SLFN5: variants seen among roughly 807,000 people sequenced by gnomAD.
SLFN5 encodes the protein schlafen family member 5.
A neutral mutation model predicts 48.5 loss-of-function variants in SLFN5; 34 were observed. That is an observed-to-expected ratio of 0.70 (90% confidence interval 0.53 to 0.93). SLFN5 has a LOEUF of 0.93. Ranked by LOEUF, SLFN5 falls within the 40% of genes least tolerant of loss-of-function variation. The pLI is 0.00. For missense variants in SLFN5, 1,006 were observed against 1,071.3 expected (o/e 0.94, Z 0.85); for synonymous variants, 387 against 396.2 (o/e 0.98, Z 0.28).
Position 35,258,995 on chromosome 17 carries a change from G to A in SLFN5, c.305G>A (p.Trp102Ter), listed in dbSNP as rs770985309. The A allele has an allele frequency of 1.2e-6, 2 of 1,614,168 alleles. No homozygotes were observed. Among genetic ancestry groups the A allele is most frequent in the South Asian group, 1.1e-5 (1 of 91,084 alleles). Residue 102 changes from tryptophan (W) to a stop codon, truncating the protein, a stop_gained, in exon 2 of 5, where the codon TGG becomes TAG. Coordinates refer to ENST00000299977, the MANE Select transcript of SLFN5 (RefSeq NM_144975.4). LOFTEE classifies it high-confidence loss of function. The stretch of plus-strand genomic sequence containing the variant: ...CACTTTTTGATTTTTGTGAAATCAT[G>A]GAACACAGAGGCTGGTGTGCCACTT... ...ENHFLIFVKS[W>*]NTEAGVPLAT...
At position 35,259,102 on chromosome 17, in the gene SLFN5, A is replaced by G. The variant is rs1190728811; in HGVS notation, c.412A>G (p.Lys138Glu). 33 of 1,614,062 alleles carry G rather than the reference A, an allele frequency of 2.0e-5. No individual in the cohort carries two copies. The highest frequency in any genetic ancestry group is 4.0e-5 in the African/African-American group (3 of 74,916). ...TTCTCAGGAAGCTCTGGCATTCCTC[A>G]AATGCAGGACTCAGACTCCAACGAA... ...MDSQEALAFL[K>E]CRTQTPTNIN... The change falls in exon 2 of 5, where the codon AAA becomes GAA. Residue 138 changes from lysine to glutamate, a missense_variant. Physicochemically the swap from Lys to Glu is moderately conservative, Grantham distance 56 (BLOSUM62 1). Transcript: ENST00000299977.
rs181424565 is a variant in SLFN5, at chr17:35,273,158, G to T, written c.*7270G>T. On this transcript the variant is annotated 3_prime_UTR_variant, in exon 5 of 5. Coordinates refer to ENST00000299977, the MANE Select transcript of SLFN5 (RefSeq NM_144975.4). Reference sequence around the variant, plus strand: ...AGAGATCTCTATATGTATTGATGGGGGACCATCTTTAAGATATACTGTGGT... The same window carrying T: ...AGAGATCTCTATATGTATTGATGGGTGACCATCTTTAAGATATACTGTGGT... The T allele has an allele frequency of 8.5e-5, 13 of 152,064 alleles. No homozygotes were observed. Among genetic ancestry groups the T allele is most frequent in the Admixed American group, 8.5e-4 (13 of 15,266 alleles). The allele number at this position is 152,064 out of a possible 1,614,324, so 9.4% of individuals were successfully genotyped here. A position where few individuals can be genotyped will look rare whatever the true frequency, so the allele number is the denominator to read the frequency against.
rs781029763 is a variant in SLFN5, at chr17:35,264,578, C to A, written c.1534C>A (p.Gln512Lys). ...KAQSVYSSYL[Q>K]IYPESYNFMT... ...ACAGAGCGTTTACAGTTCGTATTTA[C>A]AAATTTACCCTGAATCCTATAACTT... The change falls in exon 4 of 5, where the codon CAA becomes AAA. Residue 512 changes from glutamine (Q) to lysine (K), a missense_variant. Gln to Lys is a moderately conservative substitution (Grantham distance 53). Transcript: ENST00000299977. 5 of 1,614,064 alleles carry A rather than the reference C, an allele frequency of 3.1e-6. No homozygotes were observed. The Admixed American group carries it at 8.3e-5, about 27-fold the overall frequency.
rs1204787946 is a variant in SLFN5, at chr17:35,270,896, T to A, written c.*5008T>A. ...CCATACCTCTTTTGACTAAAAGAGT[T>A]TCCAGAATAGTGGCAGAATATATAG... On this transcript the variant is annotated 3_prime_UTR_variant, in exon 5 of 5. Transcript: ENST00000299977. The A allele has an allele frequency of 6.6e-6, 1 of 152,158 alleles. No individual in the cohort carries two copies. The highest frequency in any genetic ancestry group is 1.5e-5 in the Non-Finnish European group (1 of 68,026). The allele number at this position is 152,158 out of a possible 1,614,324, so 9.4% of individuals were successfully genotyped here.
Position 35,267,927 on chromosome 17 carries a change from C to G in SLFN5, c.*2039C>G, listed in dbSNP as rs1203092606. The G allele has an allele frequency of 6.6e-6, 1 of 152,132 alleles. No homozygotes were observed. The highest frequency in any genetic ancestry group is 1.5e-5 in the Non-Finnish European group (1 of 68,034). 9.4% of individuals were successfully genotyped at this position (152,132 alleles called of 1,614,324 possible). A position where few individuals can be genotyped will look rare whatever the true frequency, so the allele number is the denominator to read the frequency against. ...GAAATGCCAGGGAGACCCTTGAGCA[C>G]AGAAACTCCTGATTGTCCCCAGGGA... On this transcript the variant is annotated 3_prime_UTR_variant, in exon 5 of 5. Coordinates refer to ENST00000299977, the MANE Select transcript of SLFN5 (RefSeq NM_144975.4).
chr17:35,248,612 C>A (rs1163127404), intron 1 of SLFN5, among the ~76,000 whole-genome samples: 1 of 152,024 alleles, frequency 6.6e-6, no homozygotes, highest in South Asian at 2.1e-4. Flanking sequence ...AGACCCCCAC[C>A]CTTTGCCCAA....
rs139455430 is a variant in SLFN5, at chr17:35,265,207, A to C, written c.1995A>C (p.Ala665=). Residue 665 remains alanine (A), a synonymous_variant, in exon 5 of 5, where the codon GCA becomes GCC. Transcript: ENST00000299977. ...AAGATGGGGACTGGTATGGGAAAGC[A>C]AAGTTCATCACTCAGACAGCAAGGG... ...RTEDGDWYGK[A]KFITQTARDG... 2 of 1,614,212 alleles carry C rather than the reference A, an allele frequency of 1.2e-6. No homozygotes were observed. Among genetic ancestry groups the C allele is most frequent in the Non-Finnish European group, 1.7e-6 (2 of 1,180,022 alleles).
chr17:35,244,656 T>G (rs1384686820), intron 1 of SLFN5, among the ~76,000 whole-genome samples: 1 of 152,188 alleles, frequency 6.6e-6, no homozygotes, highest in African/African-American at 2.4e-5. Flanking sequence ...CCGGGCGCCG[T>G]GGCTTATGCC....
chr17:35,268,972 G>A lies in SLFN5; in HGVS notation c.*3084G>A, dbSNP rs1904769104. 6.6e-6 allele frequency: 1 copy of A among 152,094 alleles called. No individual in the cohort carries two copies. Among genetic ancestry groups the A allele is most frequent in the Non-Finnish European group, 1.5e-5 (1 of 68,024 alleles). The allele number at this position is 152,094 out of a possible 1,614,324, so 9.4% of individuals were successfully genotyped here. A position where few individuals can be genotyped will look rare whatever the true frequency, so the allele number is the denominator to read the frequency against. On this transcript the variant is annotated 3_prime_UTR_variant, in exon 5 of 5. Transcript: ENST00000299977. Reference sequence around the variant, plus strand: ...CATTGACTGATTTCCAATATCTCGAGACCTGTTGTTTCATATATTTTGCCT... The same window carrying A: ...CATTGACTGATTTCCAATATCTCGAAACCTGTTGTTTCATATATTTTGCCT...
At position 35,258,694 on chromosome 17, in the gene SLFN5, A is replaced by T; in HGVS notation, c.4A>T (p.Ser2Cys). The T allele has an allele frequency of 6.2e-7, 1 of 1,610,048 alleles. No homozygotes were observed. The highest frequency in any genetic ancestry group is 8.5e-7 in the Non-Finnish European group (1 of 1,177,126). M[S>C]LRIDVDTNFP... The stretch of plus-strand genomic sequence containing the variant: ...GAATAGGCCAAGTGCTGAGAAGATG[A>T]GTCTTAGGATTGATGTGGATACAAA... The change falls in exon 2 of 5, where the codon AGT (serine) becomes TGT (cysteine). Residue 2 changes from serine (S) to cysteine (C), a missense_variant. Coordinates refer to ENST00000299977, the MANE Select transcript of SLFN5 (RefSeq NM_144975.4).
At position 35,259,678 on chromosome 17, in the gene SLFN5, G is replaced by T; in HGVS notation, c.988G>T (p.Ala330Ser). The T allele has an allele frequency of 6.2e-7, 1 of 1,600,204 alleles. No individual in the cohort carries two copies. The highest frequency in any genetic ancestry group is 8.5e-7 in the Non-Finnish European group (1 of 1,179,698). ...ACAATTGCCCACAAGAGAATGGACTGCTTGGATGATGGAAGCTGACCCAGG... is the reference window on the plus strand; with the variant it reads ...ACAATTGCCCACAAGAGAATGGACTTCTTGGATGATGGAAGCTGACCCAGG... ...VRQLPTREWTAWMMEADPDLS... is the reference protein window; with the variant it reads ...VRQLPTREWTSWMMEADPDLS... The change falls in exon 2 of 5, where the codon GCT becomes TCT. Residue 330 changes from alanine (A) to serine (S), a missense_variant. Coordinates refer to ENST00000299977, the MANE Select transcript of SLFN5 (RefSeq NM_144975.4).
At chr17:35,249,820 G>A (rs2092438389) in intron 1 of SLFN5, among the ~76,000 whole-genome samples, 1 of 152,170 alleles carries the variant, frequency 6.6e-6, no homozygotes, top group Admixed American at 6.5e-5. Context: ...TATATTTGAT[G>A]CATACTCCAA....
intron 2 of SLFN5, 128 bp from the exon 3 acceptor site, chr17:35,260,843 T>A (rs755174164): frequency 1.7e-6 from 2 of 1,187,708 alleles, no homozygotes; most frequent in African/African-American, 3.1e-5. Flanking sequence ...TGACCTGAGA[T>A]GTAAAGGCAA....
chr17:35,264,229 A>C lies in SLFN5; in HGVS notation c.1185A>C (p.Glu395Asp), dbSNP rs1220542082. The change falls in exon 4 of 5, where the codon GAA (glutamate) becomes GAC (aspartate). Residue 395 changes from glutamate (E) to aspartate (D), a missense_variant. Coordinates refer to ENST00000299977, the MANE Select transcript of SLFN5 (RefSeq NM_144975.4). ...ATACTCCAGAAAGCCTCTACAAGGA[A>C]CTCTTCTCACAACATAAAGGACTCA... Reference protein sequence around the residue: ...VVYTPESLYKELFSQHKGLRD... With the variant: ...VVYTPESLYKDLFSQHKGLRD... 1.7e-5 allele frequency: 27 copies of C among 1,613,682 alleles called. No homozygotes were observed. Among genetic ancestry groups the C allele is most frequent in the Non-Finnish European group, 2.1e-5 (25 of 1,179,946 alleles).
In SLFN5 at chr17:35,273,494, G is replaced by A. The variant is rs745555602; in HGVS notation, c.*7606G>A. The stretch of plus-strand genomic sequence containing the variant: ...GAATATCCTGGGATAAACCCCTCAT[G>A]ATCATAATGAATAATGATGTGTGGA... On this transcript the variant is annotated 3_prime_UTR_variant, in exon 5 of 5. Transcript: ENST00000299977. 6.6e-6 allele frequency: 1 copy of A among 152,120 alleles called. No individual in the cohort carries two copies. The highest frequency in any genetic ancestry group is 1.5e-5 in the Non-Finnish European group (1 of 68,020). The allele number at this position is 152,120 out of a possible 1,614,324, so 9.4% of individuals were successfully genotyped here. A position where few individuals can be genotyped will look rare whatever the true frequency, so the allele number is the denominator to read the frequency against.
chr17:35,248,607 C>G (rs1466467141), intron 1 of SLFN5, among the ~76,000 whole-genome samples: 2 of 151,760 alleles, frequency 1.3e-5, no homozygotes, highest in Non-Finnish European at 2.9e-5. Context: ...TTTTCAGACC[C>G]CCACCCTTTG....
chr17:35,259,138 T>G lies in SLFN5; in HGVS notation c.448T>G (p.Ser150Ala), dbSNP rs1904440584. The G allele has an allele frequency of 1.2e-5, 20 of 1,614,188 alleles. No homozygotes were observed. The East Asian group carries it at 4.2e-4, about 34-fold the overall frequency. ...RTQTPTNINVSNSLGPQAAQG... is the reference protein window; with the variant it reads ...RTQTPTNINVANSLGPQAAQG... ...TCAGACTCCAACGAATATTAATGTTTCCAATTCATTAGGTCCACAGGCAGC... is the reference window on the plus strand; with the variant it reads ...TCAGACTCCAACGAATATTAATGTTGCCAATTCATTAGGTCCACAGGCAGC... The change falls in exon 2 of 5, where the codon TCC (serine) becomes GCC (alanine). Residue 150 changes from serine to alanine, a missense_variant. Physicochemically the swap from Ser to Ala is moderately conservative, Grantham distance 99 (BLOSUM62 1). Coordinates refer to ENST00000299977, the MANE Select transcript of SLFN5 (RefSeq NM_144975.4).
At chr17:35,262,598 C>T (rs1904552728) in intron 3 of SLFN5, among the ~76,000 whole-genome samples, 1 of 152,108 alleles carries the variant, frequency 6.6e-6, no homozygotes, top group Admixed American at 6.5e-5. Flanking sequence ...TGAGGTGGCT[C>T]ACACCTGTAA....
chr17:35,247,339 G>A (rs1280370626), intron 1 of SLFN5, among the ~76,000 whole-genome samples: 1 of 152,062 alleles, frequency 6.6e-6, no homozygotes, highest in Non-Finnish European at 1.5e-5. Flanking sequence ...TGATGATGGC[G>A]GCTGACTCCC....
Sources: gnomAD v4.1 joint callset for allele counts (sites outside exome capture counted in the v4.1 genomes callset) on GRCh38, gnomAD v4.1.1 for gene constraint, MANE v1.5 for transcripts, NCBI Gene and HGNC (gene_info 2026-07-23, HGNC 2026-07-21) for gene names.